NBEA: variants seen among roughly 807,000 people sequenced by gnomAD.
NBEA encodes lysosomal-trafficking regulator 2.
A neutral mutation model predicts 343.4 loss-of-function variants in NBEA; 44 were observed. That is an observed-to-expected ratio of 0.13 (90% CI 0.10 to 0.16). NBEA has a LOEUF of 0.16. Ranked by LOEUF, NBEA falls within the 10% of genes least tolerant of loss-of-function variation. The pLI, the probability that NBEA is intolerant of heterozygous loss-of-function variation, is 1.00. For missense variants in NBEA, 2,555 were observed against 3,631.3 expected (o/e 0.70, Z 7.62); for synonymous variants, 1,175 against 1,238.7 (o/e 0.95, Z 1.08).
intron 38 of NBEA, among the ~76,000 whole-genome samples, chr13:35,401,383 C>G (rs1430647491): frequency 6.6e-6 from 1 of 151,942 alleles, no homozygotes. Flanking sequence ...CAACACATTA[C>G]AAAGTATAAA....
intron 34 of NBEA, among the ~76,000 whole-genome samples, chr13:35,278,162 T>TA (rs576758304): frequency 7.2e-4 from 107 of 149,552 alleles, no homozygotes; most frequent in African/African-American, 1.9e-3. Flanking sequence ...TATGCATGTA[T>TA]ATGATTTAGA....
At chr13:35,628,526 C>T (rs569549484) in intron 49 of NBEA, among the ~76,000 whole-genome samples, 192 of 152,188 alleles carry the variant, frequency 1.3e-3, no homozygotes, top group South Asian at 3.1e-3. Flanking sequence ...TAATGCTTTA[C>T]GTATTTTAGT....
chr13:34,997,895 C>T (rs898502503), intron 1 of NBEA, among the ~76,000 whole-genome samples: 1 of 152,056 alleles, frequency 6.6e-6, no homozygotes, highest in South Asian at 2.1e-4. Flanking sequence ...TTACAAGAGA[C>T]CTTATTATAA....
chr13:35,183,850 A>G (rs2071488604), intron 29 of NBEA, 126 bp from the exon 30 acceptor site: 2 of 581,902 alleles, frequency 3.4e-6, no homozygotes, highest in African/African-American at 1.9e-5. Flanking sequence ...TTCTTCAGAG[A>G]TGCATTCGTT....
At chr13:35,077,965 G>A (rs2064195543) in intron 10 of NBEA, among the ~76,000 whole-genome samples, 1 of 152,158 alleles carries the variant, frequency 6.6e-6, no homozygotes, top group Non-Finnish European at 1.5e-5. Flanking sequence ...TTGGGAACAT[G>A]GTTTTTCTGC....
chr13:35,281,308 T>C (rs1467515641), intron 34 of NBEA, among the ~76,000 whole-genome samples: 2 of 152,196 alleles, frequency 1.3e-5, no homozygotes, highest in Admixed American at 6.5e-5. Context: ...TACTCATCTC[T>C]AATTTTTTTC....
intron 30 of NBEA, among the ~76,000 whole-genome samples, chr13:35,195,157 A>G (rs1294674548): frequency 6.6e-6 from 1 of 152,110 alleles, no homozygotes; most frequent in African/African-American, 2.4e-5. Flanking sequence ...TATATTTTTA[A>G]GGAAACTAAT....
At chr13:35,036,589 G>A (rs547545336) in intron 1 of NBEA, among the ~76,000 whole-genome samples, 2 of 152,212 alleles carry the variant, frequency 1.3e-5, no homozygotes, top group East Asian at 3.9e-4. Context: ...CAGGTCTGGT[G>A]TTGATGAAAT....
chr13:35,140,495 C>T (rs1177714275), intron 17 of NBEA, among the ~76,000 whole-genome samples: 1 of 152,156 alleles, frequency 6.6e-6, no homozygotes, highest in Non-Finnish European at 1.5e-5. Flanking sequence ...TCCCATAATA[C>T]TCATTAGCCC....
intron 6 of NBEA, among the ~76,000 whole-genome samples, chr13:35,052,256 A>G (rs1336250943): frequency 6.6e-6 from 1 of 152,010 alleles, no homozygotes; most frequent in African/African-American, 2.4e-5. Flanking sequence ...CCTTCCTAAT[A>G]AGAGATTTAC....
intron 33 of NBEA, among the ~76,000 whole-genome samples, chr13:35,221,353 A>C (rs968466264): frequency 1.4e-4 from 21 of 151,390 alleles, no homozygotes; most frequent in Admixed American, 2.6e-4. Flanking sequence ...AAAAAAAAAA[A>C]CAAAAAACTA....
intron 38 of NBEA, among the ~76,000 whole-genome samples, chr13:35,409,754 G>A (rs181793256): frequency 1.3e-5 from 2 of 152,246 alleles, no homozygotes; most frequent in Admixed American, 6.6e-5. Flanking sequence ...GCAGAAGGTA[G>A]CAGAAACTAC....
chr13:35,092,651 T>C (rs2065145974), intron 10 of NBEA, among the ~76,000 whole-genome samples: 3 of 152,024 alleles, frequency 2.0e-5, no homozygotes, highest in Admixed American at 6.6e-5. Context: ...AAATTAAAAC[T>C]ATATAAAACC....
At chr13:35,137,375 A>C (rs1490722308) in intron 17 of NBEA, among the ~76,000 whole-genome samples, 1 of 151,866 alleles carries the variant, frequency 6.6e-6, no homozygotes, top group South Asian at 2.1e-4. Context: ...GCCCGAATGC[A>C]GGAGGCGGAG....
In NBEA at chr13:35,125,293, A is replaced by G. The variant is rs1203279903; in HGVS notation, c.2336+1719A>G. On this transcript the variant is annotated intron_variant, in intron 17 of 58. Coordinates refer to ENST00000379939, the MANE Select transcript of NBEA (RefSeq NM_001385012.1). ...AAAAGCTGTTAAGGCTAAAGAGAAG[A>G]TAAAATGCAAAGAGAATGGTGAGAG... 4.6e-5 allele frequency among the ~76,000 whole-genome samples: 7 copies of G among 152,314 alleles called. No homozygotes were observed. In the East Asian group the frequency reaches 1.4e-3, roughly 29 times the overall value.
At chr13:35,005,691 GCAC>G (rs2152528237) in intron 1 of NBEA, among the ~76,000 whole-genome samples, 1 of 152,250 alleles carries the variant, frequency 6.6e-6, no homozygotes, top group South Asian at 2.1e-4. Flanking sequence ...TGGTATGGAA[GCAC>G]CTAGCTGGAG....
intron 24 of NBEA, among the ~76,000 whole-genome samples, chr13:35,168,226 T>C (rs1445701409): frequency 2.0e-5 from 3 of 151,670 alleles, no homozygotes; most frequent in Admixed American, 6.6e-5. Flanking sequence ...TATTTTAAGA[T>C]TTATACTCAC....
At chr13:34,962,106 G>A (rs1404080985) in intron 1 of NBEA, among the ~76,000 whole-genome samples, 1 of 151,978 alleles carries the variant, frequency 6.6e-6, no homozygotes, top group Non-Finnish European at 1.5e-5. Flanking sequence ...AAAGTTTGAA[G>A]TTATGTATAT....
intron 13 of NBEA, among the ~76,000 whole-genome samples, chr13:35,115,204 T>G (rs192963486): frequency 6.6e-6 from 1 of 152,168 alleles, no homozygotes; most frequent in African/African-American, 2.4e-5. Context: ...TTTCTACTGC[T>G]TTTTCTCTGC....
Sources: gnomAD v4.1 joint callset for allele counts (sites outside exome capture counted in the v4.1 genomes callset) on GRCh38, gnomAD v4.1.1 for gene constraint, MANE v1.5 for transcripts, NCBI Gene and HGNC (gene_info 2026-07-23, HGNC 2026-07-21) for gene names.